PRKN: variants seen among roughly 807,000 people sequenced by gnomAD.
PRKN encodes the protein E3 ubiquitin-protein ligase parkin.
Under a neutral mutation model 59.5 loss-of-function variants are expected in PRKN, and 56 were observed. The ratio of observed to expected loss-of-function variants is 0.94; its 90% CI spans 0.76 to 1.18. PRKN has a LOEUF of 1.18. Ranked by LOEUF, PRKN falls within the 50% of genes most tolerant of loss-of-function variation. PRKN has a pLI of 0.00. For missense variants in PRKN, 657 were observed against 596.4 expected (o/e 1.10, Z -1.06); for synonymous variants, 250 against 222.1 (o/e 1.13, Z -1.12).
chr6:161,664,828 A>T (rs1043476488), intron 7 of PRKN, among the ~76,000 whole-genome samples: 11 of 146,968 alleles, frequency 7.5e-5, no homozygotes, highest in African/African-American at 2.8e-4. Flanking sequence ...TTGCTCTGTC[A>T]CCCAGGCTGG....
intron 4 of PRKN, among the ~76,000 whole-genome samples, chr6:162,083,892 G>A (rs1779157162): frequency 6.6e-6 from 1 of 151,954 alleles, no homozygotes; most frequent in Non-Finnish European, 1.5e-5. Context: ...TTTAAAAATA[G>A]AAAAGTTGGT....
At chr6:162,356,690 G>A (rs1160038203) in intron 2 of PRKN, among the ~76,000 whole-genome samples, 1 of 145,708 alleles carries the variant, frequency 6.9e-6, no homozygotes, top group African/African-American at 2.6e-5. Flanking sequence ...AATATCATTG[G>A]TACCACCCGA....
intron 5 of PRKN, among the ~76,000 whole-genome samples, chr6:162,001,746 G>T (rs7741742): frequency 0.79 from 119,918 of 151,802 alleles, 48,087 homozygotes; most frequent in African/African-American, 0.93. Context: ...ATGGCAAAGA[G>T]TCTAGCTTCT....
Position 161,458,908 on chromosome 6 carries a change from T to C in PRKN, c.1084-72031A>G, listed in dbSNP as rs1790086623. On this transcript the variant is annotated intron_variant, in intron 9 of 11. Transcript: ENST00000366898. The surrounding 1 kb of genome is among the most constrained non-coding windows in gnomAD (Gnocchi z 6.1). Reference sequence around the variant, plus strand: ...AACCTTATAATTACCAGAAGCCATTTTCATGTTTTTTTTTTTCTTTTTAAA... The same window carrying C: ...AACCTTATAATTACCAGAAGCCATTCTCATGTTTTTTTTTTTCTTTTTAAA... Among the ~76,000 whole-genome samples the C allele has an allele frequency of 1.5e-5, 2 of 137,512 alleles. No individual in the cohort carries two copies. The highest frequency in any genetic ancestry group is 4.4e-4 in the South Asian group (2 of 4,576). The allele number at this position is 137,512 out of a possible 152,430, so 90.2% of individuals were successfully genotyped here.
intron 1 of PRKN, among the ~76,000 whole-genome samples, chr6:162,572,254 G>A (rs980788748): frequency 1.3e-5 from 2 of 152,130 alleles, no homozygotes; most frequent in African/African-American, 4.8e-5. Context: ...TGCTTACTAT[G>A]ATCTCCTGCA....
intron 4 of PRKN, among the ~76,000 whole-genome samples, chr6:162,180,263 A>G (rs1016573075): frequency 2.0e-5 from 3 of 152,130 alleles, no homozygotes; most frequent in African/African-American, 4.8e-5. Flanking sequence ...GTCAATAATA[A>G]CTTAATCGTA....
rs1784821757 is a variant in PRKN, at chr6:161,357,880, G to A, written c.1285+2208C>T. ...CGTCTCTGTTACTCCTCCTGCCCAT[G>A]CTGTGAGGAAGTCCCATTGAAACCC... On this transcript the variant is annotated intron_variant, in intron 11 of 11. Coordinates refer to ENST00000366898, the MANE Select transcript of PRKN (RefSeq NM_004562.3). The surrounding 1 kb of genome is among the most constrained non-coding windows in gnomAD (Gnocchi z 5.5). 6.6e-6 allele frequency among the ~76,000 whole-genome samples: 1 copy of A among 152,214 alleles called. No homozygotes were observed. Among genetic ancestry groups the A allele is most frequent in the African/African-American group, 2.4e-5 (1 of 41,450 alleles).
intron 4 of PRKN, among the ~76,000 whole-genome samples, chr6:162,092,072 T>C (rs1217914138): frequency 6.6e-6 from 1 of 151,978 alleles, no homozygotes; most frequent in East Asian, 1.9e-4. Flanking sequence ...TTACCACTAA[T>C]AGGCCAGGTG....
At chr6:161,384,831 C>G (rs1471345274) in intron 10 of PRKN, among the ~76,000 whole-genome samples, 1 of 152,196 alleles carries the variant, frequency 6.6e-6, no homozygotes, top group Non-Finnish European at 1.5e-5. Flanking sequence ...AGTTGCTAAG[C>G]TTTGGTTTAG....
chr6:161,660,215 C>G (rs577300650), intron 7 of PRKN, among the ~76,000 whole-genome samples: 1 of 152,244 alleles, frequency 6.6e-6, no homozygotes, highest in East Asian at 1.9e-4. Context: ...GACCTTGATT[C>G]ACGTAGTACG....
chr6:162,602,874 T>C (rs1781765090), intron 1 of PRKN, among the ~76,000 whole-genome samples: 1 of 152,080 alleles, frequency 6.6e-6, no homozygotes, highest in South Asian at 2.1e-4. Flanking sequence ...GCTAAATTGG[T>C]GTTCTTGGCT....
chr6:162,602,449 G>A (rs1423967061), intron 1 of PRKN, among the ~76,000 whole-genome samples: 1 of 152,220 alleles, frequency 6.6e-6, no homozygotes, highest in African/African-American at 2.4e-5. Flanking sequence ...TCTTGCATGT[G>A]GTTTTGGAGA....
chr6:162,439,118 G>T (rs983370346), intron 2 of PRKN, among the ~76,000 whole-genome samples: 2 of 152,034 alleles, frequency 1.3e-5, no homozygotes, highest in Non-Finnish European at 2.9e-5. Flanking sequence ...CAAACAAGAG[G>T]CTCTCCACTC....
chr6:161,915,641 A>G (rs191442292), intron 6 of PRKN, among the ~76,000 whole-genome samples: 5 of 152,320 alleles, frequency 3.3e-5, no homozygotes, highest in Admixed American at 3.3e-4. Flanking sequence ...CATTACCTAC[A>G]TCATGCTGTG....
chr6:162,380,741 A>G (rs997433947), intron 2 of PRKN, among the ~76,000 whole-genome samples: 2 of 151,904 alleles, frequency 1.3e-5, no homozygotes, highest in African/African-American at 4.8e-5. Context: ...AAAAACCTTG[A>G]AAAATTCCAC....
At chr6:161,700,563 C>G (rs1786211257) in intron 7 of PRKN, among the ~76,000 whole-genome samples, 1 of 152,166 alleles carries the variant, frequency 6.6e-6, no homozygotes, top group South Asian at 2.1e-4. Flanking sequence ...GCTACAACTT[C>G]CCCATTTCCT....
At chr6:161,883,738 C>T (rs892652800) in intron 6 of PRKN, among the ~76,000 whole-genome samples, 1 of 152,088 alleles carries the variant, frequency 6.6e-6, no homozygotes, top group Non-Finnish European at 1.5e-5. Context: ...CTGAAACTTC[C>T]ACCCCTTGGA....
At chr6:162,178,448 G>A (rs1253874091) in intron 4 of PRKN, among the ~76,000 whole-genome samples, 1 of 152,186 alleles carries the variant, frequency 6.6e-6, no homozygotes, top group African/African-American at 2.4e-5. Context: ...CAGGCCCAGA[G>A]GATGGGGCCA....
chr6:162,556,370 T>TGTGCGCGCGC (rs1209351399), intron 1 of PRKN, among the ~76,000 whole-genome samples: 1 of 99,298 alleles, frequency 1.0e-5, no homozygotes, highest in Non-Finnish European at 2.4e-5. Flanking sequence ...TGTGTGTGTG[T>TGTGCGCGCGC]GTGTGTGTGT....
Sources: allele counts gnomAD v4.1 joint callset (sites outside exome capture counted in the v4.1 genomes callset), GRCh38; gene constraint gnomAD v4.1.1; non-coding constraint Gnocchi (gnomAD v3.1); transcripts MANE v1.5; gene names NCBI Gene and HGNC (gene_info 2026-07-23, HGNC 2026-07-21).